MDGA2: variants seen among roughly 807,000 people sequenced by gnomAD.
MDGA2 encodes the protein MAM domain-containing glycosylphosphatidylinositol anchor protein 2.
Under a neutral mutation model 117.8 loss-of-function variants are expected in MDGA2, and 40 were observed. The observed-to-expected ratio is 0.34, with a 90% CI of 0.26 to 0.44. The LOEUF is 0.44. Among genes scored for constraint, MDGA2 ranks in the 20% least tolerant of loss-of-function variants. The pLI is 1.00. For missense variants in MDGA2, 1,123 were observed against 1,250.6 expected, an observed-to-expected ratio of 0.90 and a Z score of 1.54; for synonymous variants, 452 against 439.0, an observed-to-expected ratio of 1.03 and a Z score of -0.37.
intron 6 of MDGA2, among the ~76,000 whole-genome samples, chr14:47,088,669 G>T (rs1016503297): frequency 6.6e-6 from 1 of 152,096 alleles, no homozygotes; most frequent in South Asian, 2.1e-4. Flanking sequence ...CTGATTAATA[G>T]CTTAAGATAT....
intron 12 of MDGA2, among the ~76,000 whole-genome samples, chr14:46,875,918 CT>C (rs1379179573): frequency 6.6e-6 from 1 of 151,198 alleles, no homozygotes; most frequent in Admixed American, 6.6e-5. Flanking sequence ...ACTGTTGAAC[CT>C]TTTTTTCGTA....
intron 1 of MDGA2, among the ~76,000 whole-genome samples, chr14:47,511,413 C>G (rs759936461): frequency 3.9e-5 from 6 of 152,010 alleles, no homozygotes; most frequent in South Asian, 2.1e-4. Flanking sequence ...ATAAGAGGTT[C>G]TTGTATTTAC....
chr14:47,465,212 C>T (rs1893575887), intron 1 of MDGA2, among the ~76,000 whole-genome samples: 1 of 152,046 alleles, frequency 6.6e-6, no homozygotes, highest in African/African-American at 2.4e-5. Context: ...GGGTAAAACC[C>T]TAAACTCACA....
At chr14:46,881,656 TC>T (rs1882464965) in intron 11 of MDGA2, among the ~76,000 whole-genome samples, 1 of 152,048 alleles carries the variant, frequency 6.6e-6, no homozygotes, top group Non-Finnish European at 1.5e-5. Context: ...AAAACTGAAA[TC>T]TATTAATTTT....
chr14:47,460,926 C>A lies in MDGA2; in HGVS notation c.281-159376G>T, dbSNP rs1478034225. 2.6e-5 allele frequency among the ~76,000 whole-genome samples: 4 copies of A among 152,162 alleles called. No homozygotes were observed. The East Asian group carries it at 7.7e-4, about 29-fold the overall frequency. ...GTTGTCCAAACACATTAATTATAAA[C>A]CTTTAAATAAGAAAGGTATAGATTG... On this transcript the variant is annotated intron_variant, in intron 1 of 16. Coordinates refer to ENST00000399232, the MANE Select transcript of MDGA2 (RefSeq NM_001113498.3).
chr14:47,519,102 G>A (rs890945619), intron 1 of MDGA2, among the ~76,000 whole-genome samples: 3 of 152,102 alleles, frequency 2.0e-5, no homozygotes, highest in African/African-American at 7.2e-5. Context: ...TACTTGGGAG[G>A]CTGAGGCAGG....
intron 10 of MDGA2, among the ~76,000 whole-genome samples, chr14:46,907,572 A>G (rs186682380): frequency 6.6e-6 from 1 of 152,118 alleles, no homozygotes; most frequent in Non-Finnish European, 1.5e-5. Flanking sequence ...TTTGATTTCC[A>G]TATGTATAAT....
At chr14:46,908,881 A>G (rs1055387830) in intron 10 of MDGA2, among the ~76,000 whole-genome samples, 4 of 152,176 alleles carry the variant, frequency 2.6e-5, no homozygotes, top group Non-Finnish European at 4.4e-5. Flanking sequence ...TCCACTTTCC[A>G]TCAAGATGGT....
intron 1 of MDGA2, among the ~76,000 whole-genome samples, chr14:47,623,064 C>G (rs1482433407): frequency 6.6e-6 from 1 of 152,166 alleles, no homozygotes; most frequent in African/African-American, 2.4e-5. Flanking sequence ...GCAATTAGAT[C>G]AAGAGGGCTC....
chr14:46,889,386 G>C (rs968225009), intron 10 of MDGA2, among the ~76,000 whole-genome samples: 1 of 151,882 alleles, frequency 6.6e-6, no homozygotes, highest in Admixed American at 6.6e-5. Flanking sequence ...AAATTTATAA[G>C]TTTTTATCTG....
chr14:47,573,880 G>A (rs1229842779), intron 1 of MDGA2, among the ~76,000 whole-genome samples: 2 of 151,854 alleles, frequency 1.3e-5, no homozygotes, highest in African/African-American at 4.8e-5. Context: ...AGAAATTCCA[G>A]AAAGGTGAAA....
chr14:47,609,090 G>GTGCA (rs1044092467), intron 1 of MDGA2, among the ~76,000 whole-genome samples: 1 of 151,504 alleles, frequency 6.6e-6, no homozygotes, highest in Non-Finnish European at 1.5e-5. Flanking sequence ...GGTTATTGGG[G>GTGCA]TGCAGGTGGT....
intron 3 of MDGA2, among the ~76,000 whole-genome samples, chr14:47,157,813 C>T (rs1883459839): frequency 6.6e-6 from 1 of 152,058 alleles, no homozygotes; most frequent in African/African-American, 2.4e-5. Context: ...TTTATAAGGG[C>T]TCCCCCCCTC....
intron 1 of MDGA2, among the ~76,000 whole-genome samples, chr14:47,673,522 C>T (rs534138349): frequency 2.6e-5 from 4 of 152,162 alleles, no homozygotes; most frequent in African/African-American, 7.2e-5. Context: ...TCAAGGGGTG[C>T]ACCTCTAACC....
intron 1 of MDGA2, among the ~76,000 whole-genome samples, chr14:47,573,821 T>G (rs1381133724): frequency 3.3e-5 from 5 of 152,206 alleles, no homozygotes; most frequent in Non-Finnish European, 5.9e-5. Context: ...TTTGTTAACC[T>G]TATTTTAAAA....
In MDGA2 at chr14:47,246,840, C is replaced by T. The variant is rs928331795; in HGVS notation, c.421-28645G>A. 4.7e-5 allele frequency among the ~76,000 whole-genome samples: 7 copies of T among 150,010 alleles called. No individual in the cohort carries two copies. In the East Asian group the frequency reaches 7.8e-4, roughly 17 times the overall value. Reference sequence around the variant, plus strand: ...ACACACACACACACACACACTCAGACGTATCAACAAAAAGCCAGATGATCC... The same window carrying T: ...ACACACACACACACACACACTCAGATGTATCAACAAAAAGCCAGATGATCC... On this transcript the variant is annotated intron_variant, in intron 2 of 16. Transcript: ENST00000399232.
chr14:46,911,913 G>A (rs1883719861), intron 10 of MDGA2, among the ~76,000 whole-genome samples: 2 of 152,118 alleles, frequency 1.3e-5, no homozygotes, highest in South Asian at 4.1e-4. Context: ...CCAGCAGCCA[G>A]GGTGCAAGAC....
At position 47,399,613 on chromosome 14, in the gene MDGA2, C is replaced by T. The variant is rs538490996; in HGVS notation, c.281-98063G>A. 1.2e-4 allele frequency among the ~76,000 whole-genome samples: 19 copies of T among 152,168 alleles called. 2 individuals are homozygous for T. Among genetic ancestry groups the T allele is most frequent in the African/African-American group, 4.6e-4 (19 of 41,554 alleles). On this transcript the variant is annotated intron_variant, in intron 1 of 16. Transcript: ENST00000399232. ...GCTAAATTCTAAGGAGCACACATAACACATTTATAGCTGCTAGAGCAGACT... is the reference window on the plus strand; with the variant it reads ...GCTAAATTCTAAGGAGCACACATAATACATTTATAGCTGCTAGAGCAGACT...
At chr14:46,941,342 C>A (rs1370835195) in intron 9 of MDGA2, among the ~76,000 whole-genome samples, 1 of 152,144 alleles carries the variant, frequency 6.6e-6, no homozygotes, top group African/African-American at 2.4e-5. Context: ...GAATTTGTAA[C>A]AAGAAAACGT....
Sources: gnomAD v4.1 joint callset for allele counts (sites outside exome capture counted in the v4.1 genomes callset) on GRCh38, gnomAD v4.1.1 for gene constraint, MANE v1.5 for transcripts, NCBI Gene and HGNC (gene_info 2026-07-23, HGNC 2026-07-21) for gene names.